UGT2A2: variants seen among roughly 807,000 people sequenced by gnomAD.
UGT2A2 encodes UDP glucuronosyltransferase family 2 member A2.
UGT2A2 carries 60 observed loss-of-function variants against 50.7 expected under a neutral mutation model. That is an observed-to-expected ratio of 1.18 (90% CI 0.96 to 1.47). The LOEUF (loss-of-function observed/expected upper bound fraction) is 1.47, where lower values mean the gene tolerates loss of function less well. UGT2A2 is among the 40% of genes most tolerant of loss of function. UGT2A2 has a pLI of 0.00. For synonymous variants in UGT2A2, 242 were observed against 214.6 expected (o/e 1.13, Z -1.11); for missense variants, 762 against 634.0 (o/e 1.20, Z -2.17).
chr4:69,620,839 A>C (rs896053098), intron 1 of UGT2A2, among the ~76,000 whole-genome samples: 1 of 151,878 alleles, frequency 6.6e-6, no homozygotes, highest in Non-Finnish European at 1.5e-5. Flanking sequence ...ATAAGGCTAC[A>C]CACCTAACAA....
intron 1 of UGT2A2, among the ~76,000 whole-genome samples, chr4:69,630,333 T>C (rs1721313156): frequency 6.6e-6 from 1 of 152,064 alleles, no homozygotes; most frequent in Non-Finnish European, 1.5e-5. Context: ...AGATGTGCCA[T>C]GCAGCGTCTT....
chr4:69,597,308 T>C (rs1669300582), intron 2 of UGT2A2, among the ~76,000 whole-genome samples: 1 of 152,188 alleles, frequency 6.6e-6, no homozygotes, highest in East Asian at 1.9e-4. Context: ...TCTTGATGTA[T>C]AAGCTGCCAT....
chr4:69,638,208 AATC>A (rs989114022), intron 1 of UGT2A2, among the ~76,000 whole-genome samples: 18 of 152,230 alleles, frequency 1.2e-4, no homozygotes, highest in Admixed American at 9.2e-4. Flanking sequence ...CTGGAGGCAA[AATC>A]ATCAAGAGAG....
At chr4:69,600,977 A>G (rs1216017543) in intron 1 of UGT2A2, among the ~76,000 whole-genome samples, 3 of 152,124 alleles carry the variant, frequency 2.0e-5, no homozygotes, top group African/African-American at 7.2e-5. Context: ...ACTTGGGCAG[A>G]GACACAGATC....
intron 1 of UGT2A2, among the ~76,000 whole-genome samples, chr4:69,605,791 A>G (rs1719572872): frequency 7.3e-6 from 1 of 137,098 alleles, no homozygotes; most frequent in African/African-American, 3.0e-5. Flanking sequence ...AATACTATAA[A>G]CACCTCTACA....
At position 69,593,967 on chromosome 4, in the gene UGT2A2, C is replaced by CTTTTTTTTTTTTTTTTTTTTTTTTTTT. The variant is rs200066453; in HGVS notation, c.1331+509_1331+510insAAAAAAAAAAAAAAAAAAAAAAAAAAA. Among the ~76,000 whole-genome samples, 3 of 107,818 alleles carry CTTTTTTTTTTTTTTTTTTTTTTTTTTT rather than the reference C, an allele frequency of 2.8e-5. 1 individual carries two copies. The highest frequency in any genetic ancestry group is 7.0e-5 in the African/African-American group (2 of 28,582). The allele number at this position is 107,818 out of a possible 152,430, so 70.7% of individuals were successfully genotyped here. A position where few individuals can be genotyped will look rare whatever the true frequency, so the allele number is the denominator to read the frequency against. On this transcript the variant is annotated intron_variant, in intron 5 of 5. Transcript: ENST00000604629. ...AAAATATTGAAATAATATTTGAAGT[C>CTTTTTTTTTTTTTTTTTTTTTTTTTTT]TTTTTTTTTGTTTGTTTTTTTTTTT...
intron 1 of UGT2A2, among the ~76,000 whole-genome samples, chr4:69,610,520 C>T (rs1453577741): frequency 6.6e-6 from 1 of 152,066 alleles, no homozygotes; most frequent in Non-Finnish European, 1.5e-5. Flanking sequence ...TAAACACAAA[C>T]TTTAAATAAT....
intron 1 of UGT2A2, among the ~76,000 whole-genome samples, chr4:69,622,844 G>A (rs2109939481): frequency 6.6e-6 from 1 of 151,860 alleles, no homozygotes; most frequent in South Asian, 2.1e-4. Flanking sequence ...CTATGTCTTG[G>A]CTTCGGTGTA....
At chr4:69,591,032 G>T (rs1307075529) in intron 5 of UGT2A2, among the ~76,000 whole-genome samples, 1 of 152,042 alleles carries the variant, frequency 6.6e-6, no homozygotes, top group Non-Finnish European at 1.5e-5. Flanking sequence ...TTGGTTTAGG[G>T]TTAAAGTGAA....
chr4:69,590,441 AG>A (rs1441001888), intron 5 of UGT2A2, among the ~76,000 whole-genome samples: 1 of 152,194 alleles, frequency 6.6e-6, no homozygotes, highest in Admixed American at 6.5e-5. Context: ...CAAAATTAGT[AG>A]GTTTCATTTT....
At position 69,606,551 on chromosome 4, in the gene UGT2A2, T is replaced by C. The variant is rs1224069799; in HGVS notation, c.743-7157A>G. Among the ~76,000 whole-genome samples, 26 of 136,264 alleles carry C rather than the reference T, an allele frequency of 1.9e-4. 6 individuals carry two copies. Among genetic ancestry groups the C allele is most frequent in the African/African-American group, 6.9e-4 (23 of 33,568 alleles). The allele number at this position is 136,264 out of a possible 152,430, so 89.4% of individuals were successfully genotyped here. Reference sequence around the variant, plus strand: ...CCTCTCTCACCACTCCTATTCAACATAGTGTTGGAAGTTCTGGCCAGTGCA... The same window carrying C: ...CCTCTCTCACCACTCCTATTCAACACAGTGTTGGAAGTTCTGGCCAGTGCA... On this transcript the variant is annotated intron_variant, in intron 1 of 5. Transcript: ENST00000604629.
intron 1 of UGT2A2, among the ~76,000 whole-genome samples, chr4:69,601,350 G>T (rs1308203732): frequency 6.6e-6 from 1 of 152,110 alleles, no homozygotes; most frequent in African/African-American, 2.4e-5. Context: ...TTAACAGAAA[G>T]GACAGAGAAT....
At position 69,589,462 on chromosome 4, in the gene UGT2A2, A is replaced by G; in HGVS notation, c.1521T>C (p.Cys507=). ...TGACCAAAAATATAGCCGTTGTCAC[A>G]CAGACCAGCAAGAACCCAATTACAT... The part of the protein sequence containing the change: ...SLDVIGFLLV[C]VTTAIFLVIQ... Residue 507 remains cysteine, a synonymous_variant, in exon 6 of 6, where the codon TGT becomes TGC. Coordinates refer to ENST00000604629, the MANE Select transcript of UGT2A2 (RefSeq NM_001105677.2). 6.2e-7 allele frequency: 1 copy of G among 1,614,184 alleles called. No homozygotes were observed.
At chr4:69,610,951 A>G (rs1719999683) in intron 1 of UGT2A2, among the ~76,000 whole-genome samples, 2 of 152,158 alleles carry the variant, frequency 1.3e-5, no homozygotes, top group Admixed American at 1.3e-4. Context: ...TTGTTAGTTC[A>G]CATTTCCTTA....
chr4:69,606,866 G>A (rs1272911773), intron 1 of UGT2A2, among the ~76,000 whole-genome samples: 1 of 135,952 alleles, frequency 7.4e-6, no homozygotes, highest in Non-Finnish European at 1.6e-5. Flanking sequence ...AACTTACAAG[G>A]GACGTAAGGA....
intron 1 of UGT2A2, among the ~76,000 whole-genome samples, chr4:69,606,311 A>G (rs1052660682): frequency 7.3e-6 from 1 of 136,712 alleles, no homozygotes; most frequent in Non-Finnish European, 1.6e-5. Context: ...AAACAGAACC[A>G]AAGACAAAAA....
At chr4:69,619,122 C>T (rs78300321) in intron 1 of UGT2A2, among the ~76,000 whole-genome samples, 6,733 of 151,814 alleles carry the variant, frequency 0.044, 198 homozygotes, top group Middle Eastern at 0.071. Flanking sequence ...TACAGGCCAC[C>T]TGATGTGCTT....
At chr4:69,599,646 G>A in intron 1 of UGT2A2, 1 of 357,816 alleles carries the variant, frequency 2.8e-6, no homozygotes, top group Non-Finnish European at 4.9e-6. Flanking sequence ...GGAGAGAGAG[G>A]AAAGCAAGGA....
chr4:69,599,459 AG>A (rs1169526932), intron 1 of UGT2A2, 65 bp from the exon 2 acceptor site: 1 of 1,580,994 alleles, frequency 6.3e-7, no homozygotes, highest in Non-Finnish European at 8.5e-7. Flanking sequence ...GAGAAAAAAA[AG>A]CTACCAGTAA....
Sources: allele counts gnomAD v4.1 joint callset (sites outside exome capture counted in the v4.1 genomes callset), GRCh38; gene constraint gnomAD v4.1.1; transcripts MANE v1.5; gene names NCBI Gene and HGNC (gene_info 2026-07-23, HGNC 2026-07-21).